Variants in XRCC4 observed in about 807,000 individuals in gnomAD.
The protein encoded by XRCC4 is DNA repair protein XRCC4.
XRCC4 carries 28 observed loss-of-function variants against 39.1 expected under a neutral mutation model. The ratio of observed to expected loss-of-function variants is 0.72; its 90% CI spans 0.53 to 0.98. The LOEUF is 0.98. Ranked by LOEUF, XRCC4 falls within the 50% of genes least tolerant of loss-of-function variation. XRCC4 has a pLI of 0.00. For missense variants in XRCC4, 350 were observed against 376.4 expected (o/e 0.93, Z 0.58); for synonymous variants, 123 against 126.4 (o/e 0.97, Z 0.18).
chr5:83,112,404 G>A (rs1430832963), intron 3 of XRCC4, among the ~76,000 whole-genome samples: 1 of 152,192 alleles, frequency 6.6e-6, no homozygotes. Context: ...ACATTTGCAT[G>A]TAACAACTAG....
At chr5:83,138,501 A>G (rs1748007949) in intron 3 of XRCC4, among the ~76,000 whole-genome samples, 1 of 152,092 alleles carries the variant, frequency 6.6e-6, no homozygotes, top group Admixed American at 6.5e-5. Context: ...CTGGTAGGGT[A>G]ACATAACATG....
intron 3 of XRCC4, among the ~76,000 whole-genome samples, chr5:83,157,007 A>G (rs1453021719): frequency 6.6e-6 from 1 of 151,676 alleles, no homozygotes; most frequent in Non-Finnish European, 1.5e-5. Flanking sequence ...CCCTCCTTTC[A>G]TTTTTAGAAA....
intron 7 of XRCC4, among the ~76,000 whole-genome samples, chr5:83,301,799 G>T (rs1755293736): frequency 6.6e-6 from 1 of 152,088 alleles, no homozygotes; most frequent in African/African-American, 2.4e-5. Flanking sequence ...AATATGGCTG[G>T]CCAGTTTTTC....
intron 3 of XRCC4, among the ~76,000 whole-genome samples, chr5:83,119,241 A>G (rs948907271): frequency 1.3e-5 from 2 of 152,204 alleles, no homozygotes; most frequent in Non-Finnish European, 2.9e-5. Flanking sequence ...GTATTCTGCC[A>G]AAGATTTTGT....
chr5:83,309,286 A>T (rs1313772453), intron 7 of XRCC4, among the ~76,000 whole-genome samples: 107 of 117,242 alleles, frequency 9.1e-4, no homozygotes, highest in African/African-American at 3.5e-3. Flanking sequence ...AAAAAAAAAA[A>T]AAAAAAAAAA....
At chr5:83,116,215 G>A (rs1380524699) in intron 3 of XRCC4, among the ~76,000 whole-genome samples, 1 of 152,122 alleles carries the variant, frequency 6.6e-6, no homozygotes, top group East Asian at 1.9e-4. Context: ...ACATCTGATT[G>A]TTGCCAAAAA....
intron 7 of XRCC4, among the ~76,000 whole-genome samples, chr5:83,346,311 C>T (rs940881002): frequency 4.6e-5 from 7 of 152,104 alleles, no homozygotes; most frequent in Non-Finnish European, 1.0e-4. Context: ...CCTCAACCTT[C>T]CACAAATGAA....
chr5:83,151,256 C>T (rs1468477746), intron 3 of XRCC4, among the ~76,000 whole-genome samples: 2 of 151,974 alleles, frequency 1.3e-5, no homozygotes, highest in East Asian at 3.9e-4. Flanking sequence ...ATAGGGTAGT[C>T]TTTTATATGA....
chr5:83,360,678 C>G, the XRCC4 span, among the ~76,000 whole-genome samples: 7 of 152,122 alleles, frequency 4.6e-5, no homozygotes, highest in African/African-American at 1.7e-4. Context: ...GCCTCTCCCA[C>G]CTGGGCTTCT....
intron 3 of XRCC4, among the ~76,000 whole-genome samples, chr5:83,165,717 A>C (rs904519399): frequency 3.3e-5 from 5 of 152,036 alleles, no homozygotes; most frequent in Admixed American, 3.3e-4. Flanking sequence ...GCTTCCACTT[A>C]TAAGTGAGAA....
At chr5:83,217,678 T>C (rs926978419) in intron 6 of XRCC4, among the ~76,000 whole-genome samples, 14 of 152,310 alleles carry the variant, frequency 9.2e-5, no homozygotes, top group African/African-American at 2.4e-4. Context: ...CTGAAGTTTT[T>C]ACTATACTCA....
At chr5:83,307,863 TG>T (rs1455178879) in intron 7 of XRCC4, among the ~76,000 whole-genome samples, 3 of 152,214 alleles carry the variant, frequency 2.0e-5, no homozygotes, top group Non-Finnish European at 4.4e-5. Flanking sequence ...TAGAACCATA[TG>T]GAATTCCAGA....
rs143398043 is a variant in XRCC4, at chr5:83,253,722, T to C, written c.746-4808T>C. Among the ~76,000 whole-genome samples, 690 of 152,216 alleles carry C rather than the reference T, an allele frequency of 4.5e-3. 1 individual carries two copies. Among genetic ancestry groups the C allele is most frequent in the African/African-American group, 0.014 (593 of 41,536 alleles). ...CCTGAAAAATGATTTATAAAAATAA[T>C]GAGATTTAAAGATTTCTTGGTCAGA... On this transcript the variant is annotated intron_variant, in intron 6 of 7. Transcript: ENST00000396027.
At chr5:83,363,365 A>G in the XRCC4 span, among the ~76,000 whole-genome samples, 3 of 152,130 alleles carry the variant, frequency 2.0e-5, no homozygotes, top group African/African-American at 7.2e-5. Flanking sequence ...GAATTTGGCA[A>G]TAAGAATTTA....
intron 1 of XRCC4, among the ~76,000 whole-genome samples, chr5:83,087,808 T>C (rs1745252157): frequency 6.6e-6 from 1 of 152,182 alleles, no homozygotes; most frequent in Non-Finnish European, 1.5e-5. Flanking sequence ...ATGTCTCTTC[T>C]TTATTTGGTT....
At chr5:83,158,474 T>C (rs1025445244) in intron 3 of XRCC4, among the ~76,000 whole-genome samples, 2 of 152,124 alleles carry the variant, frequency 1.3e-5, no homozygotes, top group African/African-American at 4.8e-5. Context: ...TGAGTATATT[T>C]TTAAAATAAA....
chr5:83,262,196 G>T (rs1047577370), intron 7 of XRCC4, among the ~76,000 whole-genome samples: 1 of 152,056 alleles, frequency 6.6e-6, no homozygotes, highest in Middle Eastern at 3.2e-3. Flanking sequence ...AGCAACCAAG[G>T]CTCATAAAGA....
the XRCC4 span, among the ~76,000 whole-genome samples, chr5:83,372,028 G>A: frequency 1.3e-5 from 2 of 152,284 alleles, no homozygotes; most frequent in East Asian, 3.9e-4. Flanking sequence ...GGTAGATTTT[G>A]TTGGCCTGTT....
chr5:83,087,471 T>C (rs1745234581), intron 1 of XRCC4, among the ~76,000 whole-genome samples: 1 of 151,746 alleles, frequency 6.6e-6, no homozygotes, highest in African/African-American at 2.4e-5. Context: ...GAGACCAGCA[T>C]GGCCAACATA....
Sources: gnomAD v4.1 joint callset for allele counts (sites outside exome capture counted in the v4.1 genomes callset) on GRCh38, gnomAD v4.1.1 for gene constraint, MANE v1.5 for transcripts, NCBI Gene and HGNC (gene_info 2026-07-23, HGNC 2026-07-21) for gene names.